The following PSD3 variants were observed in gnomAD, a reference collection of about 807,000 sequenced individuals.
The protein encoded by PSD3 is PH and SEC7 domain-containing protein 3.
Under a neutral mutation model 105.5 loss-of-function variants are expected in PSD3, and 49 were observed. That is an observed-to-expected ratio of 0.46 (90% confidence interval 0.37 to 0.59). PSD3 has a LOEUF of 0.59. Among genes scored for constraint, PSD3 ranks in the 20% least tolerant of loss-of-function variants. PSD3 has a pLI of 0.00. For synonymous variants in PSD3, 557 were observed against 457.8 expected (o/e 1.22, Z -2.77); for missense variants, 1,561 against 1,263.8 (o/e 1.24, Z -3.57).
At chr8:18,546,766 T>C (rs748061635) in intron 15 of PSD3, among the ~76,000 whole-genome samples, 1 of 152,234 alleles carries the variant, frequency 6.6e-6, no homozygotes, top group Non-Finnish European at 1.5e-5. Context: ...TTGTACCTTT[T>C]GATCAACATC....
At chr8:18,559,935 C>T (rs1801295056) in intron 14 of PSD3, among the ~76,000 whole-genome samples, 2 of 152,090 alleles carry the variant, frequency 1.3e-5, no homozygotes, top group Admixed American at 1.3e-4. Flanking sequence ...TATATTTTTA[C>T]AAAGGAACTA....
chr8:18,897,546 C>T (rs1293259387), intron 2 of PSD3, among the ~76,000 whole-genome samples: 1 of 152,142 alleles, frequency 6.6e-6, no homozygotes, highest in Admixed American at 6.5e-5. Context: ...ATGAATGACA[C>T]TGGTACTTTG....
chr8:18,894,686 C>T (rs550631928), intron 2 of PSD3, among the ~76,000 whole-genome samples: 4 of 152,240 alleles, frequency 2.6e-5, no homozygotes, highest in African/African-American at 9.6e-5. Flanking sequence ...CAAAAGAAAT[C>T]TTACCAAGCA....
intron 2 of PSD3, among the ~76,000 whole-genome samples, chr8:18,902,426 C>A (rs1296788496): frequency 6.6e-6 from 1 of 152,126 alleles, no homozygotes; most frequent in Non-Finnish European, 1.5e-5. Context: ...TCTCTCTTTT[C>A]TGTTTTTCAC....
chr8:18,818,136 G>C (rs1486930359), intron 4 of PSD3, among the ~76,000 whole-genome samples: 1 of 151,964 alleles, frequency 6.6e-6, no homozygotes, highest in Admixed American at 6.6e-5. Flanking sequence ...TTCATTTTTA[G>C]TAGAGAAGGG....
chr8:18,682,748 G>A (rs1800456018), intron 9 of PSD3, among the ~76,000 whole-genome samples: 1 of 152,048 alleles, frequency 6.6e-6, no homozygotes, highest in Non-Finnish European at 1.5e-5. Context: ...TAATGCCAAA[G>A]TCTTTCAATA....
At chr8:18,543,276 G>C (rs1242293116) in intron 15 of PSD3, among the ~76,000 whole-genome samples, 2 of 151,470 alleles carry the variant, frequency 1.3e-5, no homozygotes, top group South Asian at 4.2e-4. Flanking sequence ...ACATTTTTTT[G>C]CTGTATTTCT....
chr8:18,992,606 G>T (rs1376721899), intron 1 of PSD3, among the ~76,000 whole-genome samples: 1 of 152,142 alleles, frequency 6.6e-6, no homozygotes, highest in African/African-American at 2.4e-5. Flanking sequence ...TAACCAAAAA[G>T]GACTCAAGTG....
At chr8:18,788,534 T>A (rs1327030764) in intron 8 of PSD3, among the ~76,000 whole-genome samples, 1 of 152,216 alleles carries the variant, frequency 6.6e-6, no homozygotes, top group African/African-American at 2.4e-5. Context: ...CTAGGAAAGC[T>A]GACAACAGCA....
intron 15 of PSD3, among the ~76,000 whole-genome samples, chr8:18,553,760 T>C (rs17694575): frequency 0.024 from 3,592 of 152,324 alleles, 66 homozygotes; most frequent in East Asian, 0.086. Context: ...TAAAAAGCAC[T>C]ACTTATACAA....
At chr8:18,800,770 C>T (rs1810607863) in intron 7 of PSD3, among the ~76,000 whole-genome samples, 1 of 152,190 alleles carries the variant, frequency 6.6e-6, no homozygotes, top group African/African-American at 2.4e-5. Flanking sequence ...GCACCAGAGA[C>T]ACAGCGCAAC....
intron 11 of PSD3, among the ~76,000 whole-genome samples, chr8:18,619,281 G>A (rs1005853386): frequency 1.3e-5 from 2 of 152,046 alleles, no homozygotes; most frequent in African/African-American, 2.4e-5. Context: ...CCAGCATTAC[G>A]GTTAAAATGC....
At chr8:18,920,511 A>G (rs1820939760) in intron 2 of PSD3, among the ~76,000 whole-genome samples, 1 of 152,250 alleles carries the variant, frequency 6.6e-6, no homozygotes, top group Non-Finnish European at 1.5e-5. Context: ...ACTTTGAAAT[A>G]GTAAACAACT....
intron 2 of PSD3, among the ~76,000 whole-genome samples, chr8:18,913,277 T>C (rs1418628933): frequency 1.3e-5 from 2 of 152,186 alleles, no homozygotes; most frequent in African/African-American, 2.4e-5. Flanking sequence ...TCTGTTAAAG[T>C]TTCCCTTCTC....
intron 9 of PSD3, among the ~76,000 whole-genome samples, chr8:18,675,283 A>C (rs1183292692): frequency 6.6e-6 from 1 of 152,190 alleles, no homozygotes; most frequent in Non-Finnish European, 1.5e-5. Context: ...TCCTGTAAAC[A>C]CCTTGGCCTG....
At chr8:18,788,027 A>G (rs1258274682) in intron 8 of PSD3, among the ~76,000 whole-genome samples, 2 of 152,242 alleles carry the variant, frequency 1.3e-5, no homozygotes, top group Non-Finnish European at 2.9e-5. Flanking sequence ...GATGTAAACA[A>G]CTGGGTTTGG....
At chr8:19,018,835 C>T (rs537605420) in intron 1 of PSD3, among the ~76,000 whole-genome samples, 2 of 152,260 alleles carry the variant, frequency 1.3e-5, no homozygotes, top group South Asian at 4.1e-4. Flanking sequence ...CTTGCTCTGT[C>T]GCCCAGTCTG....
intron 9 of PSD3, among the ~76,000 whole-genome samples, chr8:18,695,714 AT>A (rs1451701820): frequency 3.9e-5 from 6 of 152,170 alleles, no homozygotes; most frequent in African/African-American, 1.4e-4. Flanking sequence ...CCAGAAAATA[AT>A]TTTGCATTAT....
intron 8 of PSD3, among the ~76,000 whole-genome samples, chr8:18,789,393 CT>C (rs1305134040): frequency 1.3e-5 from 2 of 152,076 alleles, no homozygotes; most frequent in Non-Finnish European, 2.9e-5. Context: ...AAGTGCTATT[CT>C]TTAATATATT....
Sources: gnomAD v4.1 joint callset for allele counts (sites outside exome capture counted in the v4.1 genomes callset) on GRCh38, gnomAD v4.1.1 for gene constraint, MANE v1.5 for transcripts, NCBI Gene and HGNC (gene_info 2026-07-23, HGNC 2026-07-21) for gene names.